The following SLC26A7 variants were observed in gnomAD, a reference collection of about 807,000 sequenced individuals.
SLC26A7 encodes anion exchange transporter.
A neutral mutation model predicts 82.5 loss-of-function variants in SLC26A7; 59 were observed. That is an observed-to-expected ratio of 0.72 (90% CI 0.58 to 0.89). The LOEUF (loss-of-function observed/expected upper bound fraction) is 0.89. SLC26A7 is among the 40% of genes least tolerant of loss of function. The pLI is 0.00. For missense variants in SLC26A7, 820 were observed against 793.0 expected, an observed-to-expected ratio of 1.03 and a Z score of -0.41; for synonymous variants, 271 against 274.3, an observed-to-expected ratio of 0.99 and a Z score of 0.12.
chr8:91,216,350 C>A (rs1319579085), intron 1 of SLC26A7, among the ~76,000 whole-genome samples: 1 of 152,160 alleles, frequency 6.6e-6, no homozygotes, highest in African/African-American at 2.4e-5. Flanking sequence ...TAAAACCACA[C>A]TGGAAATAGA....
At chr8:91,340,297 C>G in intron 7 of SLC26A7, 107 bp from the exon 8 acceptor site, 2 of 1,379,224 alleles carry the variant, frequency 1.5e-6, no homozygotes, top group Non-Finnish European at 2.0e-6. Flanking sequence ...GGGTATTTCA[C>G]TTAGTCTATG....
At chr8:91,362,924 T>C (rs1172392554) in intron 12 of SLC26A7, among the ~76,000 whole-genome samples, 1 of 152,072 alleles carries the variant, frequency 6.6e-6, no homozygotes, top group Admixed American at 6.6e-5. Flanking sequence ...CATTTTACTA[T>C]AAATTTATAA....
chr8:91,317,867 A>T (rs892252899), intron 4 of SLC26A7, among the ~76,000 whole-genome samples: 1 of 151,086 alleles, frequency 6.6e-6, no homozygotes, highest in Non-Finnish European at 1.5e-5. Flanking sequence ...TTTAGAAAAA[A>T]TACTGTGTTA....
intron 2 of SLC26A7, among the ~76,000 whole-genome samples, chr8:91,288,345 A>G (rs893451706): frequency 3.3e-5 from 5 of 152,220 alleles, no homozygotes; most frequent in African/African-American, 1.2e-4. Flanking sequence ...CACAATCAAG[A>G]TAATTTTATG....
intron 2 of SLC26A7, among the ~76,000 whole-genome samples, chr8:91,283,915 T>G (rs1188499059): frequency 1.3e-5 from 2 of 152,164 alleles, no homozygotes; most frequent in Non-Finnish European, 2.9e-5. Context: ...TCTCAAATCC[T>G]AGAGTTCCTT....
intron 2 of SLC26A7, among the ~76,000 whole-genome samples, chr8:91,262,869 T>C (rs1811006877): frequency 6.6e-6 from 1 of 152,094 alleles, no homozygotes; most frequent in African/African-American, 2.4e-5. Context: ...TTCATAAATA[T>C]TTTAACAATT....
chr8:91,293,868 G>A (rs1381330256), intron 3 of SLC26A7, among the ~76,000 whole-genome samples: 2 of 152,120 alleles, frequency 1.3e-5, no homozygotes, highest in East Asian at 1.9e-4. Context: ...CCCGAGCATC[G>A]TGTTGTAATA....
chr8:91,369,977 T>G, intron 15 of SLC26A7, 144 bp downstream of exon 15: 1 of 678,812 alleles, frequency 1.5e-6, no homozygotes, highest in Non-Finnish European at 2.5e-6. Flanking sequence ...CTCTTCCCTC[T>G]ACTCTCCTCC....
At chr8:91,245,303 A>G (rs971789135), upstream of SLC26A7, among the ~76,000 whole-genome samples, 1 of 152,150 alleles carries the variant, frequency 6.6e-6, no homozygotes, top group African/African-American at 2.4e-5. Context: ...GGAATCGGTT[A>G]TTTTTCTAGG....
chr8:91,281,380 G>A (rs1194039871), intron 2 of SLC26A7, among the ~76,000 whole-genome samples: 4 of 152,082 alleles, frequency 2.6e-5, no homozygotes, highest in African/African-American at 4.8e-5. Context: ...TGTGTCTAAC[G>A]ATCTTTATAT....
intron 5 of SLC26A7, among the ~76,000 whole-genome samples, chr8:91,327,611 T>C (rs1812968438): frequency 6.6e-6 from 1 of 152,212 alleles, no homozygotes; most frequent in Non-Finnish European, 1.5e-5. Flanking sequence ...GAGATAGTTA[T>C]GGTTTTGTGG....
intron 2 of SLC26A7, among the ~76,000 whole-genome samples, chr8:91,260,842 A>G (rs1225964471): frequency 6.6e-6 from 1 of 152,130 alleles, no homozygotes; most frequent in African/African-American, 2.4e-5. Context: ...TCTAATGATT[A>G]GAAATACTGA....
intron 14 of SLC26A7, among the ~76,000 whole-genome samples, chr8:91,368,084 C>G (rs546234574): frequency 6.6e-6 from 1 of 152,264 alleles, no homozygotes; most frequent in Non-Finnish European, 1.5e-5. Flanking sequence ...GATCATTAAG[C>G]CAGATGGGAG....
At chr8:91,381,224 A>C (rs1255937537) in intron 15 of SLC26A7, among the ~76,000 whole-genome samples, 1 of 152,174 alleles carries the variant, frequency 6.6e-6, no homozygotes, top group Non-Finnish European at 1.5e-5. Flanking sequence ...TAAGCAAAAC[A>C]CCCATTAGCA....
chr8:91,280,033 G>A (rs4236762), intron 2 of SLC26A7, among the ~76,000 whole-genome samples: 151,540 of 152,306 alleles, frequency 0.99, 75,405 homozygotes, highest in Middle Eastern at 1. Flanking sequence ...ATGGTTGGCA[G>A]ATATTTTATC....
At chr8:91,333,813 C>A (rs1311546280) in intron 5 of SLC26A7, among the ~76,000 whole-genome samples, 1 of 152,126 alleles carries the variant, frequency 6.6e-6, no homozygotes. Context: ...TGACTGAGAA[C>A]ATGTTAATAT....
intron 5 of SLC26A7, among the ~76,000 whole-genome samples, chr8:91,320,022 C>T (rs901955592): frequency 6.6e-5 from 10 of 151,984 alleles, no homozygotes; most frequent in Non-Finnish European, 1.2e-4. Flanking sequence ...CTGCAAGCTA[C>T]TTTACCCTAG....
rs767747226 is a variant in SLC26A7, at chr8:91,340,551, G to A, written c.1026G>A (p.Gln342=). The change falls in exon 8 of 19, where the codon CAG becomes CAA. Residue 342 remains glutamine (Q), a splice_region_variant and synonymous_variant. Coordinates refer to ENST00000276609, the MANE Select transcript of SLC26A7 (RefSeq NM_052832.4). ...TCAAATATTCAATTGATGACAACCA[G>A]GTGGAGTGTGCCCCCAGTCCCTCTC... The part of the protein sequence containing the change: ...KKFKYSIDDN[Q]EFLAHGLSNI... The A allele has an allele frequency of 4.3e-6, 7 of 1,613,550 alleles. No homozygotes were observed. Among genetic ancestry groups the A allele is most frequent in the South Asian group, 2.2e-5 (2 of 91,056 alleles).
Position 91,333,406 on chromosome 8 carries a change from G to A in SLC26A7, c.643-889G>A, listed in dbSNP as rs1024706501. Among the ~76,000 whole-genome samples the A allele has an allele frequency of 3.7e-4, 56 of 152,240 alleles. 1 individual carries two copies. Among genetic ancestry groups the A allele is most frequent in the Middle Eastern group, 6.8e-3 (2 of 294 alleles). ...TGCACACTTTTAAAGACAAATAGTT[G>A]TATTGATTTCTTGACCATACTTTTC... On this transcript the variant is annotated intron_variant, in intron 5 of 18. Coordinates refer to ENST00000276609, the MANE Select transcript of SLC26A7 (RefSeq NM_052832.4).
Sources: gnomAD v4.1 joint callset for allele counts (sites outside exome capture counted in the v4.1 genomes callset) on GRCh38, gnomAD v4.1.1 for gene constraint, MANE v1.5 for transcripts, NCBI Gene and HGNC (gene_info 2026-07-23, HGNC 2026-07-21) for gene names.